The following EHMT2 variants were observed in gnomAD, a reference collection of about 807,000 sequenced individuals.
EHMT2 encodes the protein histone-lysine N-methyltransferase EHMT2.
EHMT2 carries 59 observed loss-of-function variants against 143.3 expected under a neutral mutation model. The observed-to-expected ratio is 0.41, with a 90% CI of 0.33 to 0.51. The LOEUF (loss-of-function observed/expected upper bound fraction) is 0.51, where lower values mean the gene tolerates loss of function less well. Ranked by LOEUF, EHMT2 falls within the 20% of genes least tolerant of loss-of-function variation. The pLI is 0.18. For synonymous variants in EHMT2, 604 were observed against 651.5 expected (o/e 0.93, Z 1.11); for missense variants, 1,174 against 1,645.9 (o/e 0.71, Z 4.96).
At chr6:31,896,580 A>C in intron 3 of EHMT2, 26 bp downstream of exon 3, 1 of 1,586,792 alleles carries the variant, frequency 6.3e-7, no homozygotes, top group South Asian at 1.2e-5. Context: ...TTTCCCACCA[A>C]CCCCCCAGGC....
rs1340951816 is a variant in EHMT2 at position 31,888,461 on chromosome 6, G to A, written c.1411C>T (p.Pro471Ser). 3 of 1,612,796 alleles carry A rather than the reference G, an allele frequency of 1.9e-6. No homozygotes were observed. The highest frequency in any genetic ancestry group is 2.5e-6 in the Non-Finnish European group (3 of 1,179,860). Residue 471 changes from proline to serine, a missense_variant, in exon 12 of 28, where the codon CCA (proline) becomes TCA (serine). Pro to Ser is a moderately conservative substitution (Grantham distance 74). Transcript: ENST00000375537. This position sits in a 1 kb window ranked among gnomAD's most constrained non-coding sequence, Gnocchi z 7.4. ...ACCATCAGGGCCACACGGCTGGATG[G>A]CCTCATGGTCTCCCGCTTGAGGATG...
In EHMT2 at chr6:31,884,604, G is replaced by A; in HGVS notation, c.2603+41C>T. 2 of 1,606,976 alleles carry A rather than the reference G, an allele frequency of 1.2e-6. No individual in the cohort carries two copies. The highest frequency in any genetic ancestry group is 1.7e-6 in the Non-Finnish European group (2 of 1,175,550). ...CCCAATGCAGGGTCTGAGGCTGCAA[G>A]AAGTGGGGGCAGGGGCATCAAGGGC... On this transcript the variant is annotated intron_variant, in intron 20 of 27. Transcript: ENST00000375537. The surrounding 1 kb of genome is among the most constrained non-coding windows in gnomAD (Gnocchi z 7.3).
chr6:31,897,183 C>G, intron 1 of EHMT2, 194 bp from the exon 2 acceptor site: 1 of 1,301,236 alleles, frequency 7.7e-7, no homozygotes, highest in South Asian at 2.5e-5. Flanking sequence ...CAACCCCCTC[C>G]CTCTCGGTAG....
rs1763886982 is a variant in EHMT2, at chr6:31,880,007, G to A, written c.*77C>T. 5.3e-6 allele frequency: 8 copies of A among 1,513,942 alleles called. No homozygotes were observed. The East Asian group carries it at 1.8e-4, about 35-fold the overall frequency. 93.8% of individuals were successfully genotyped at this position (1,513,942 alleles called of 1,614,324 possible). On this transcript the variant is annotated 3_prime_UTR_variant, in exon 28 of 28. Coordinates refer to ENST00000375537, the Ensembl canonical transcript of EHMT2. The surrounding 1 kb of genome is among the most constrained non-coding windows in gnomAD (Gnocchi z 6.6). Reference sequence around the variant, plus strand: ...GAAGATGGCAGCACCCCCAGGCATGGGCTGCGAGCAGCTGGTGGCAGAGGA... The same window carrying A: ...GAAGATGGCAGCACCCCCAGGCATGAGCTGCGAGCAGCTGGTGGCAGAGGA...
chr6:31,887,879 G>C, exon 14 of EHMT2: 1 of 1,611,966 alleles, frequency 6.2e-7, no homozygotes, highest in Non-Finnish European at 8.5e-7. Flanking sequence ...GGCAGGGTCA[G>C]GGAGGGCCCT....
rs1458245554 is a variant in EHMT2 at position 31,889,152 on chromosome 6, CGT to C, written c.1114+74_1114+75del. ...GTACATGCAGGTGGACATGCGAGAG[CGT>C]GTGTGTGCGTGCACACACTCTGGGG... On this transcript the variant is annotated intron_variant, in intron 9 of 27. Transcript: ENST00000375537. This position sits in a 1 kb window ranked among gnomAD's most constrained non-coding sequence, Gnocchi z 5.1. 6.2e-5 allele frequency: 94 copies of C among 1,524,014 alleles called. No individual in the cohort carries two copies. The highest frequency in any genetic ancestry group is 2.1e-4 in the South Asian group (18 of 85,492). The allele number at this position is 1,524,014 out of a possible 1,614,324, so 94.4% of individuals were successfully genotyped here. A position where few individuals can be genotyped will look rare whatever the true frequency, so the allele number is the denominator to read the frequency against.
At chr6:31,882,993 T>C in exon 24 of EHMT2, 1 of 1,612,926 alleles carries the variant, frequency 6.2e-7, no homozygotes, top group East Asian at 2.2e-5. Context: ...GTTAAATTCC[T>C]GGAGCAATCG....
At chr6:31,891,453 G>A (rs1429648008) in intron 7 of EHMT2, among the ~76,000 whole-genome samples, 1 of 152,222 alleles carries the variant, frequency 6.6e-6, no homozygotes, top group Non-Finnish European at 1.5e-5. Context: ...ATGGATATAT[G>A]TTTAGGTAAA....
At chr6:31,893,192 G>T in intron 4 of EHMT2, 1 of 531,860 alleles carries the variant, frequency 1.9e-6, no homozygotes, top group Non-Finnish European at 3.3e-6. Context: ...TTTATATGTG[G>T]CCATATACAC....
intron 2 of EHMT2, 49 bp downstream of exon 2, chr6:31,896,874 G>A (rs200431711): frequency 2.1e-5 from 34 of 1,612,020 alleles, no homozygotes; most frequent in Non-Finnish European, 2.8e-5. Flanking sequence ...GAGATCCTGT[G>A]TTTAGGGAAG....
At chr6:31,897,511 T>G in intron 1 of EHMT2, 125 bp downstream of exon 1, 3 of 464,240 alleles carry the variant, frequency 6.5e-6, no homozygotes, top group Non-Finnish European at 8.1e-6. Context: ...GCTGGCCCCC[T>G]GGATTGCTGC....
At chr6:31,886,808 G>A (rs1171324298) in exon 17 of EHMT2, 1 of 1,614,146 alleles carries the variant, frequency 6.2e-7, no homozygotes, top group Admixed American at 1.7e-5. Context: ...GCTGCACCAT[G>A]TAACGGGCTA....
chr6:31,880,957 G>C lies in EHMT2; in HGVS notation c.3276+57C>G. On this transcript the variant is annotated intron_variant, in intron 26 of 27. Coordinates refer to ENST00000375537, the Ensembl canonical transcript of EHMT2. The surrounding 1 kb of genome is among the most constrained non-coding windows in gnomAD (Gnocchi z 6.6). ...CAGGTTTCCATTTGCTGACTTCCCAGAGGCTCCTGAAAGCCAGCCCTGGGG... is the reference window on the plus strand; with the variant it reads ...CAGGTTTCCATTTGCTGACTTCCCACAGGCTCCTGAAAGCCAGCCCTGGGG... 6.2e-7 allele frequency: 1 copy of C among 1,609,966 alleles called. No individual in the cohort carries two copies. The highest frequency in any genetic ancestry group is 8.5e-7 in the Non-Finnish European group (1 of 1,177,442).
chr6:31,883,722 G>T lies in EHMT2; in HGVS notation c.2916+84C>A. Reference sequence around the variant, plus strand: ...TTTCAGCCAACCCTTCCTTGGCCAGGTGCCTTTGCTGGTTTGAAGCTTGTC... The same window carrying T: ...TTTCAGCCAACCCTTCCTTGGCCAGTTGCCTTTGCTGGTTTGAAGCTTGTC... On this transcript the variant is annotated intron_variant, in intron 22 of 27. Coordinates refer to ENST00000375537, the Ensembl canonical transcript of EHMT2. This position sits in a 1 kb window ranked among gnomAD's most constrained non-coding sequence, Gnocchi z 5.6. 1 of 1,550,990 alleles carries T rather than the reference G, an allele frequency of 6.4e-7. No individual in the cohort carries two copies. Among genetic ancestry groups the T allele is most frequent in the South Asian group, 1.1e-5 (1 of 87,070 alleles).
At position 31,883,625 on chromosome 6, in the gene EHMT2, T is replaced by C. The variant is rs1018158157; in HGVS notation, c.2916+181A>G. On this transcript the variant is annotated intron_variant, in intron 22 of 27. Coordinates refer to ENST00000375537, the Ensembl canonical transcript of EHMT2. This position sits in a 1 kb window ranked among gnomAD's most constrained non-coding sequence, Gnocchi z 5.6. ...TGTCCCCAGGGCTACTGGGAGCTCA[T>C]ATGATACCTTGCTGTGACCTAGGAA... The C allele has an allele frequency of 1.3e-5, 14 of 1,040,412 alleles. No individual in the cohort carries two copies. In the East Asian group the frequency reaches 3.4e-4, roughly 25 times the overall value. The allele number at this position is 1,040,412 out of a possible 1,614,324, so 64.4% of individuals were successfully genotyped here. A position where few individuals can be genotyped will look rare whatever the true frequency, so the allele number is the denominator to read the frequency against.
intron 1 of EHMT2, chr6:31,897,220 G>A (rs1421887898): frequency 8.1e-6 from 10 of 1,231,188 alleles, no homozygotes; most frequent in Non-Finnish European, 9.2e-6. Context: ...GCCGAGAGAA[G>A]AGGAGGGGGA....
chr6:31,894,469 G>A (rs1389853705), intron 4 of EHMT2, among the ~76,000 whole-genome samples: 1 of 151,896 alleles, frequency 6.6e-6, no homozygotes, highest in African/African-American at 2.4e-5. Flanking sequence ...TTTTAGTAGA[G>A]ACAGGGTTTC....
At chr6:31,892,875 C>T in exon 5 of EHMT2, 1 of 1,594,646 alleles carries the variant, frequency 6.3e-7, no homozygotes. Context: ...TGCGGAAATG[C>T]TGTATTTCAG....
rs541655013 is a variant in EHMT2, at chr6:31,894,432, G to A, written c.583-1522C>T. Among the ~76,000 whole-genome samples the A allele has an allele frequency of 2.7e-4, 41 of 151,688 alleles. 1 individual carries two copies. Among genetic ancestry groups the A allele is most frequent in the Admixed American group, 1.8e-3 (28 of 15,254 alleles). ...AAAGTGCTGGGATTACATGCGTGAG[G>A]CACCCCGCCTGGCCTAATTTTTGTA... On this transcript the variant is annotated intron_variant, in intron 4 of 27. Coordinates refer to ENST00000375537, the Ensembl canonical transcript of EHMT2.
Sources: gnomAD v4.1 joint callset for allele counts (sites outside exome capture counted in the v4.1 genomes callset) on GRCh38, gnomAD v4.1.1 for gene constraint, Gnocchi (gnomAD v3.1) non-coding constraint, MANE v1.5 for transcripts, NCBI Gene and HGNC (gene_info 2026-07-23, HGNC 2026-07-21) for gene names.